The following FSTL5 variants were observed in gnomAD, a reference collection of about 807,000 sequenced individuals.
The protein encoded by FSTL5 is follistatin like 5.
FSTL5 carries 62 observed loss-of-function variants against 89.1 expected under a neutral mutation model. The ratio of observed to expected loss-of-function variants is 0.70; its 90% CI spans 0.57 to 0.86. The LOEUF (loss-of-function observed/expected upper bound fraction) is 0.86. Among genes scored for constraint, FSTL5 ranks in the 40% least tolerant of loss-of-function variants. FSTL5 has a pLI of 0.00. For missense variants in FSTL5, 1,057 were observed against 1,001.6 expected, an observed-to-expected ratio of 1.06 and a Z score of -0.75; for synonymous variants, 383 against 346.2, an observed-to-expected ratio of 1.11 and a Z score of -1.18.
At chr4:161,997,718 T>C (rs141854516) in intron 3 of FSTL5, among the ~76,000 whole-genome samples, 1,851 of 150,708 alleles carry the variant, frequency 0.012, 17 homozygotes, top group Middle Eastern at 0.024. Flanking sequence ...TATTCTCCTA[T>C]CTCAGCCTCC....
chr4:161,598,950 A>G, intron 7 of FSTL5, among the ~76,000 whole-genome samples: 1 of 152,150 alleles, frequency 6.6e-6, no homozygotes, highest in Non-Finnish European at 1.5e-5. Context: ...TTTTAAATTG[A>G]GAGACAAAAT....
intron 7 of FSTL5, among the ~76,000 whole-genome samples, chr4:161,591,050 T>C (rs1733802616): frequency 6.6e-6 from 1 of 152,186 alleles, no homozygotes; most frequent in Non-Finnish European, 1.5e-5. Context: ...GATGAATGGA[T>C]AAATAAAATG....
At chr4:161,604,202 T>C (rs773665043) in intron 7 of FSTL5, among the ~76,000 whole-genome samples, 2 of 152,140 alleles carry the variant, frequency 1.3e-5, no homozygotes, top group African/African-American at 2.4e-5. Context: ...GTTCTCTTAA[T>C]AGATATTTTA....
At chr4:161,886,919 A>G (rs1416030148) in intron 4 of FSTL5, among the ~76,000 whole-genome samples, 2 of 152,204 alleles carry the variant, frequency 1.3e-5, no homozygotes, top group African/African-American at 4.8e-5. Flanking sequence ...CTACAAAATG[A>G]TTGTAAACCT....
intron 13 of FSTL5, among the ~76,000 whole-genome samples, chr4:161,462,715 C>T (rs997933288): frequency 3.3e-5 from 5 of 152,012 alleles, no homozygotes; most frequent in Non-Finnish European, 5.9e-5. Flanking sequence ...ACTCATACTA[C>T]TACTACTACT....
intron 8 of FSTL5, among the ~76,000 whole-genome samples, chr4:161,566,070 A>T (rs1259496345): frequency 1.6e-5 from 2 of 124,316 alleles, no homozygotes; most frequent in African/African-American, 6.0e-5. Flanking sequence ...ATTTGTGCCA[A>T]CATCTATTGT....
intron 6 of FSTL5, among the ~76,000 whole-genome samples, chr4:161,658,449 A>C (rs1229188368): frequency 2.0e-5 from 3 of 151,658 alleles, no homozygotes; most frequent in African/African-American, 7.3e-5. Flanking sequence ...TCGCAGTGAG[A>C]ATCCGTCTCA....
intron 7 of FSTL5, among the ~76,000 whole-genome samples, chr4:161,608,809 C>T (rs1734544534): frequency 1.3e-5 from 2 of 151,860 alleles, no homozygotes; most frequent in South Asian, 4.2e-4. Context: ...TGATGACTCC[C>T]TAGACTTTTC....
At chr4:161,871,997 T>A (rs764756742) in intron 4 of FSTL5, among the ~76,000 whole-genome samples, 17 of 5,278 alleles carry the variant, frequency 3.2e-3, no homozygotes, top group Non-Finnish European at 5.7e-3. Context: ...ATTTTTTTAA[T>A]TTTTTTTTTT....
chr4:162,135,193 G>T (rs918039904), intron 1 of FSTL5, among the ~76,000 whole-genome samples: 5 of 151,854 alleles, frequency 3.3e-5, no homozygotes, highest in African/African-American at 4.8e-5. Flanking sequence ...GTTATTATTT[G>T]TTTGAATACT....
intron 3 of FSTL5, among the ~76,000 whole-genome samples, chr4:162,011,335 A>C (rs1736760823): frequency 6.6e-6 from 1 of 152,132 alleles, no homozygotes; most frequent in South Asian, 2.1e-4. Flanking sequence ...CCCCACTCCC[A>C]AGATCAGATT....
chr4:162,097,118 G>C (rs577223974), intron 2 of FSTL5, among the ~76,000 whole-genome samples: 168 of 151,672 alleles, frequency 1.1e-3, no homozygotes, highest in African/African-American at 3.9e-3. Context: ...TGTTATTTCT[G>C]TCATTTCTAG....
intron 15 of FSTL5, among the ~76,000 whole-genome samples, chr4:161,453,427 T>G (rs1245739231): frequency 6.6e-6 from 1 of 152,168 alleles, no homozygotes; most frequent in East Asian, 1.9e-4. Context: ...ATTAAATATG[T>G]ATAAGAACTT....
At chr4:161,519,658 G>A (rs912016710) in intron 10 of FSTL5, among the ~76,000 whole-genome samples, 13 of 152,122 alleles carry the variant, frequency 8.5e-5, no homozygotes, top group Admixed American at 4.6e-4. Context: ...TAAGCCCACC[G>A]CTGTCAGAAA....
chr4:161,736,384 A>T (rs1443867746), intron 6 of FSTL5, among the ~76,000 whole-genome samples: 2 of 152,140 alleles, frequency 1.3e-5, no homozygotes, highest in African/African-American at 4.8e-5. Flanking sequence ...AATAAAATGA[A>T]GGTCCCAAAA....
chr4:161,665,529 G>A (rs545893390), intron 6 of FSTL5, among the ~76,000 whole-genome samples: 30 of 152,190 alleles, frequency 2.0e-4, no homozygotes, highest in African/African-American at 6.0e-4. Context: ...CACCGCGCCC[G>A]GCCCAGAGAG....
intron 15 of FSTL5, among the ~76,000 whole-genome samples, chr4:161,390,248 G>T (rs1382007398): frequency 2.6e-5 from 4 of 152,100 alleles, no homozygotes; most frequent in Non-Finnish European, 5.9e-5. Flanking sequence ...TAGATCCTCG[G>T]CTTACCCAAG....
chr4:161,705,975 TATATATATATATATATATATACAC>T, intron 6 of FSTL5, among the ~76,000 whole-genome samples: 1 of 89,276 alleles, frequency 1.1e-5, no homozygotes, highest in South Asian at 4.7e-4. Flanking sequence ...TATATATATA[TATATATATATATATATATATACAC>T]ACATCTACAC....
intron 7 of FSTL5, among the ~76,000 whole-genome samples, chr4:161,604,866 A>G (rs143310602): frequency 2.3e-4 from 35 of 152,308 alleles, no homozygotes; most frequent in African/African-American, 8.4e-4. Context: ...CTAAAAGAAC[A>G]CAGCAGAACC....
Sources: allele counts gnomAD v4.1 joint callset (sites outside exome capture counted in the v4.1 genomes callset), GRCh38; gene constraint gnomAD v4.1.1; transcripts MANE v1.5; gene names NCBI Gene and HGNC (gene_info 2026-07-23, HGNC 2026-07-21).